CEP290: variants seen among roughly 807,000 people sequenced by gnomAD.
CEP290 encodes centrosomal protein of 290 kDa.
CEP290 carries 317 observed loss-of-function variants against 344.9 expected under a neutral mutation model. The observed-to-expected ratio is 0.92, with a 90% CI of 0.84 to 1.01. The LOEUF (loss-of-function observed/expected upper bound fraction) is 1.01, where lower values mean the gene tolerates loss of function less well. Ranked by LOEUF, CEP290 falls within the 50% of genes least tolerant of loss-of-function variation. The pLI is 0.00. For synonymous variants in CEP290, 932 were observed against 895.8 expected (o/e 1.04, Z -0.72); for missense variants, 2,754 against 2,761.4 (o/e 1.00, Z 0.06).
intron 44 of CEP290, 35 bp downstream of exon 44, chr12:88,068,486 GA>G (rs1327873459): frequency 3.8e-6 from 5 of 1,330,710 alleles, no homozygotes; most frequent in African/African-American, 1.6e-5. Flanking sequence ...TTTTAACATG[GA>G]AAAAAGAAAA....
In CEP290 at chr12:88,120,237, T is replaced by C; in HGVS notation, c.1399A>G (p.Asn467Asp). 3 of 1,493,742 alleles carry C rather than the reference T, an allele frequency of 2.0e-6. No homozygotes were observed. The South Asian group carries it at 4.0e-5, about 20-fold the overall frequency. The allele number at this position is 1,493,742 out of a possible 1,614,324, so 92.5% of individuals were successfully genotyped here. ...CTTATTTTAATTTGGTTTTTACAAT[T>C]CTTTATTTCAACGACAGCATCTTCT... ...GLEDAVVEIK[N>D]CKNQIKIRDR... Residue 467 changes from asparagine (N) to aspartate (D), a missense_variant, in exon 15 of 54, where the codon AAT becomes GAT. Physicochemically the swap from Asn to Asp is conservative, Grantham distance 23. Coordinates refer to ENST00000552810, the MANE Select transcript of CEP290 (RefSeq NM_025114.4).
chr12:88,059,988 C>G lies in CEP290; in HGVS notation c.6555G>C (p.Gly2185=). 1 of 1,570,746 alleles carries G rather than the reference C, an allele frequency of 6.4e-7. No homozygotes were observed. The highest frequency in any genetic ancestry group is 1.9e-5 in the Admixed American group (1 of 51,876). The change falls in exon 48 of 54, where the codon GGG becomes GGC. Residue 2185 remains glycine, a synonymous_variant. Transcript: ENST00000552810. ...ATTCATAGTGCATGCTCAACTGATG[C>G]CCAAGATGAGCTTTAAGTTTTTCTA... ...AELEKLKAHL[G]HQLSMHYESK...
In CEP290 at chr12:88,060,926, T is replaced by C. The variant is rs1303402400; in HGVS notation, c.6426A>G (p.Glu2142=). 3.9e-6 allele frequency: 6 copies of C among 1,558,024 alleles called. No homozygotes were observed. The highest frequency in any genetic ancestry group is 5.2e-6 in the Non-Finnish European group (6 of 1,150,064). ...KTIGLMKKVV[E]KVQRENEQLK... is the part of the protein sequence containing the mutation. The stretch of plus-strand genomic sequence containing the variant: ...ACTGTTCATTTTCTCTCTGGACTTT[T>C]TCAACTACTTTTTTCATTAAACCAA... The change falls in exon 47 of 54, where the codon GAA becomes GAG. Residue 2142 remains glutamate (E), a synonymous_variant. Transcript: ENST00000552810.
intron 43 of CEP290, among the ~76,000 whole-genome samples, chr12:88,070,418 C>T (rs535190241): frequency 6.6e-6 from 1 of 152,270 alleles, no homozygotes; most frequent in African/African-American, 2.4e-5. Flanking sequence ...CTAATTCTAG[C>T]TCGAGTAAAG....
intron 29 of CEP290, among the ~76,000 whole-genome samples, 199 bp downstream of exon 29, chr12:88,092,482 C>T (rs1420580201): frequency 6.6e-6 from 1 of 152,132 alleles, no homozygotes; most frequent in Non-Finnish European, 1.5e-5. Flanking sequence ...GAGGTCACTT[C>T]CTCTTTAACA....
Position 88,077,683 on chromosome 12 carries a change from A to G in CEP290, c.5586+14T>C. ...TTGTAAATCAGACATTATCAGAGTT[A>G]AATATAAAATTACCTGTAATCCACT... On this transcript the variant is annotated intron_variant, in intron 40 of 53. Coordinates refer to ENST00000552810, the MANE Select transcript of CEP290 (RefSeq NM_025114.4). 7.2e-7 allele frequency: 1 copy of G among 1,386,320 alleles called. No homozygotes were observed. The highest frequency in any genetic ancestry group is 9.9e-7 in the Non-Finnish European group (1 of 1,005,518). 85.9% of individuals were successfully genotyped at this position (1,386,320 alleles called of 1,614,324 possible).
intron 47 of CEP290, 137 bp from the exon 48 acceptor site, chr12:88,060,157 A>G: frequency 1.3e-6 from 1 of 774,800 alleles, no homozygotes; most frequent in Non-Finnish European, 1.9e-6. Context: ...TCTTCATTTG[A>G]ATATTAGTGA....
chr12:88,120,335 AGTTCAT>A (rs2039328025), intron 14 of CEP290, 59 bp from the exon 15 acceptor site: 2 of 900,580 alleles, frequency 2.2e-6, no homozygotes, highest in African/African-American at 1.8e-5. Flanking sequence ...AAATTTATCA[AGTTCAT>A]GATTTTTTTT....
At chr12:88,081,428 T>C (rs1052687563) in intron 37 of CEP290, among the ~76,000 whole-genome samples, 5 of 152,246 alleles carry the variant, frequency 3.3e-5, no homozygotes, top group African/African-American at 1.2e-4. Context: ...TTAATCTTAT[T>C]GCTTATTCAG....
intron 34 of CEP290, among the ~76,000 whole-genome samples, chr12:88,085,360 G>A (rs1251117896): frequency 1.3e-5 from 2 of 152,148 alleles, no homozygotes; most frequent in African/African-American, 4.8e-5. Context: ...GAGGATTAAG[G>A]TGAGTATTTT....
intron 37 of CEP290, 100 bp downstream of exon 37, chr12:88,082,931 A>T (rs1352274897): frequency 4.5e-6 from 3 of 662,022 alleles, no homozygotes; most frequent in Middle Eastern, 4.1e-4. Flanking sequence ...CAATATACTT[A>T]AAAGTCTTAG....
intron 6 of CEP290, 109 bp from the exon 7 acceptor site, chr12:88,131,327 G>T: frequency 1.4e-6 from 1 of 717,574 alleles, no homozygotes; most frequent in Non-Finnish European, 2.1e-6. Context: ...ACAGTGGTGC[G>T]ATCTCGGCTC....
chr12:88,090,548 T>C (rs557374926), intron 30 of CEP290, among the ~76,000 whole-genome samples, 180 bp downstream of exon 30: 114 of 152,300 alleles, frequency 7.5e-4, no homozygotes, highest in African/African-American at 2.7e-3. Context: ...GAGGATCACC[T>C]GAACCCAGGT....
chr12:88,124,207 A>C (rs931774636), intron 13 of CEP290, among the ~76,000 whole-genome samples: 1 of 152,102 alleles, frequency 6.6e-6, no homozygotes, highest in African/African-American at 2.4e-5. Context: ...ACAATGAACT[A>C]TAAGGCCCCA....
intron 31 of CEP290, among the ~76,000 whole-genome samples, 172 bp from the exon 32 acceptor site, chr12:88,088,116 CTT>C (rs1429024256): frequency 6.6e-6 from 1 of 152,058 alleles, no homozygotes; most frequent in Non-Finnish European, 1.5e-5. Flanking sequence ...TTTCCATAGA[CTT>C]TTCTACAAAT....
At chr12:88,087,276 T>C (rs1476700371) in intron 32 of CEP290, among the ~76,000 whole-genome samples, 3 of 152,202 alleles carry the variant, frequency 2.0e-5, no homozygotes, top group East Asian at 3.8e-4. Context: ...AGGTTGCTTA[T>C]GTATTGCCGT....
chr12:88,111,240 T>C lies in CEP290; in HGVS notation c.2329A>G (p.Ile777Val), dbSNP rs2038667110. 13 of 1,452,200 alleles carry C rather than the reference T, an allele frequency of 9.0e-6. No individual in the cohort carries two copies. Among genetic ancestry groups the C allele is most frequent in the Admixed American group, 5.4e-5 (2 of 37,182 alleles). The allele number at this position is 1,452,200 out of a possible 1,614,324, so 90.0% of individuals were successfully genotyped here. Residue 777 changes from isoleucine to valine, a missense_variant, in exon 22 of 54, where the codon ATT becomes GTT. Transcript: ENST00000552810. ...DGIAPSSASI[I>V]NSQNEYLIHL... is the part of the protein sequence containing the mutation. ...ATTAAATATTCATTCTGAGAATTAA[T>C]GATACTGGCACTAGATGGTGCTATC...
At chr12:88,075,408 T>A (rs1165995358) in intron 41 of CEP290, among the ~76,000 whole-genome samples, 2 of 152,290 alleles carry the variant, frequency 1.3e-5, no homozygotes, top group South Asian at 2.1e-4. Flanking sequence ...AATATTATTA[T>A]AACATTTAAA....
Position 88,093,884 on chromosome 12 carries a change from C to T in CEP290, c.3195G>A (p.Lys1065=), listed in dbSNP as rs778596948. 1.3e-5 allele frequency: 21 copies of T among 1,612,574 alleles called. No individual in the cohort carries two copies. In the African/African-American group the frequency reaches 2.7e-4, roughly 21 times the overall value. ...CAGCCCGCTGCCTTTCATTTAATTC[C>T]TTCATTTCCAGCATAGTTATTTTTT... The part of the protein sequence containing the change: ...ISKKITMLEM[K]ELNERQRAEH... Residue 1065 remains lysine, a synonymous_variant, in exon 28 of 54, where the codon AAG becomes AAA. Transcript: ENST00000552810.
Sources: allele counts gnomAD v4.1 joint callset (sites outside exome capture counted in the v4.1 genomes callset), GRCh38; gene constraint gnomAD v4.1.1; transcripts MANE v1.5; gene names NCBI Gene and HGNC (gene_info 2026-07-23, HGNC 2026-07-21).